Variants in GABRB3 observed in about 807,000 individuals in gnomAD.
GABRB3 encodes the protein gamma-aminobutyric acid type A receptor subunit beta3.
A neutral mutation model predicts 52.1 loss-of-function variants in GABRB3; 14 were observed. The ratio of observed to expected loss-of-function variants is 0.27; its 90% confidence interval spans 0.18 to 0.42. The LOEUF (loss-of-function observed/expected upper bound fraction) is 0.42. Among genes scored for constraint, GABRB3 ranks in the 10% least tolerant of loss-of-function variants. GABRB3 has a pLI of 1.00. For missense variants in GABRB3, 307 were observed against 609.1 expected (o/e 0.50, Z 5.22); for synonymous variants, 260 against 232.3 (o/e 1.12, Z -1.08).
At chr15:26,767,259 C>T (rs960590068) in intron 3 of GABRB3, 2 of 145,462 alleles carry the variant, frequency 1.4e-5, no homozygotes, top group African/African-American at 2.9e-5. Flanking sequence ...GTCAGGGAAA[C>T]GCTTCCTTTC....
intron 3 of GABRB3, among the ~76,000 whole-genome samples, chr15:26,672,712 C>A (rs1316822817): frequency 6.6e-6 from 1 of 152,170 alleles, no homozygotes; most frequent in Non-Finnish European, 1.5e-5. Context: ...GCGTAATTCT[C>A]CATGTACACA....
chr15:26,627,683 T>C (rs1000554663), intron 3 of GABRB3, among the ~76,000 whole-genome samples: 1 of 152,144 alleles, frequency 6.6e-6, no homozygotes, highest in Non-Finnish European at 1.5e-5. Flanking sequence ...ATGATTAAAC[T>C]TGAATGAATG....
chr15:26,577,638 G>T (rs1176063326), intron 6 of GABRB3, among the ~76,000 whole-genome samples: 2 of 152,234 alleles, frequency 1.3e-5, no homozygotes, highest in Non-Finnish European at 2.9e-5. Context: ...TCTGCAGGGG[G>T]AGAAAAACAA....
At chr15:26,745,175 C>T (rs987722753) in intron 3 of GABRB3, among the ~76,000 whole-genome samples, 1 of 152,194 alleles carries the variant, frequency 6.6e-6, no homozygotes, top group Non-Finnish European at 1.5e-5. Context: ...GGGAATTCGT[C>T]CCCATGACCC....
intron 3 of GABRB3, among the ~76,000 whole-genome samples, chr15:26,764,629 G>T (rs1381618902): frequency 2.0e-5 from 3 of 152,166 alleles, no homozygotes; most frequent in Non-Finnish European, 4.4e-5. Context: ...TATCTTGATT[G>T]AATGGCACTG....
chr15:26,647,213 T>C (rs1157539233), intron 3 of GABRB3, among the ~76,000 whole-genome samples: 3 of 152,234 alleles, frequency 2.0e-5, no homozygotes, highest in South Asian at 2.1e-4. Flanking sequence ...GTTTTTCTTA[T>C]TGTTAAGTTG....
At chr15:26,666,833 C>T (rs559755016) in intron 3 of GABRB3, among the ~76,000 whole-genome samples, 49 of 152,288 alleles carry the variant, frequency 3.2e-4, no homozygotes, top group African/African-American at 1.2e-3. Flanking sequence ...GAAGAAGAAA[C>T]ATGAAGCCAG....
At chr15:26,706,204 C>G (rs974584521) in intron 3 of GABRB3, among the ~76,000 whole-genome samples, 2 of 152,210 alleles carry the variant, frequency 1.3e-5, no homozygotes, top group African/African-American at 4.8e-5. Context: ...ACCTTCGAAA[C>G]TCAACGGGGT....
chr15:26,667,800 C>A (rs1439646596), intron 3 of GABRB3, among the ~76,000 whole-genome samples: 3 of 152,238 alleles, frequency 2.0e-5, no homozygotes, highest in Admixed American at 2.0e-4. Context: ...ATGCAGCCAG[C>A]TGTGTCGAAA....
Position 26,621,199 on chromosome 15 carries a change from A to G in GABRB3, c.461+115T>C, listed in dbSNP as rs1892468771. The G allele has an allele frequency of 2.2e-6, 2 of 897,090 alleles. No individual in the cohort carries two copies. The highest frequency in any genetic ancestry group is 1.6e-5 in the African/African-American group (1 of 61,162). The allele number at this position is 897,090 out of a possible 1,614,324, so 55.6% of individuals were successfully genotyped here. ...TCTGCAAAGCTTTAGTGCTTCATAG[A>G]TGCTTCCTAATTTATCTGAGGTCAT... On this transcript the variant is annotated intron_variant, in intron 4 of 8. Transcript: ENST00000311550. The surrounding 1 kb of genome is among the most constrained non-coding windows in gnomAD (Gnocchi z 4.1).
intron 3 of GABRB3, among the ~76,000 whole-genome samples, chr15:26,730,474 C>T (rs1432464767): frequency 2.7e-5 from 4 of 149,930 alleles, no homozygotes; most frequent in African/African-American, 9.8e-5. Flanking sequence ...TCCCGGTGCA[C>T]AGGCACCTCA....
At chr15:26,710,335 C>G (rs1039573104) in intron 3 of GABRB3, among the ~76,000 whole-genome samples, 1 of 152,296 alleles carries the variant, frequency 6.6e-6, no homozygotes, top group Middle Eastern at 3.4e-3. Context: ...AATCTCAGCT[C>G]ACTGCAACCT....
chr15:26,736,907 C>T (rs368839686), intron 3 of GABRB3, among the ~76,000 whole-genome samples: 3 of 152,298 alleles, frequency 2.0e-5, no homozygotes, highest in Admixed American at 6.5e-5. Flanking sequence ...CAAAAGTCAC[C>T]GGCACTTCCC....
At chr15:26,582,861 C>G (rs1368100664) in intron 5 of GABRB3, among the ~76,000 whole-genome samples, 1 of 152,158 alleles carries the variant, frequency 6.6e-6, no homozygotes, top group African/African-American at 2.4e-5. Context: ...CAGTTCTCAT[C>G]TCTCATATAG....
chr15:26,581,757 C>T (rs1229929394), intron 5 of GABRB3, among the ~76,000 whole-genome samples: 1 of 152,202 alleles, frequency 6.6e-6, no homozygotes, highest in African/African-American at 2.4e-5. Flanking sequence ...CAGAAGCCTT[C>T]CCTGGCATTC....
At chr15:26,593,420 T>C (rs550533676) in intron 4 of GABRB3, among the ~76,000 whole-genome samples, 83 of 152,260 alleles carry the variant, frequency 5.5e-4, no homozygotes, top group Middle Eastern at 6.8e-3. Flanking sequence ...TCCAGAACTT[T>C]TTCATCATCT....
At chr15:26,760,809 G>GCGCGCACACACA (rs371524450) in intron 3 of GABRB3, among the ~76,000 whole-genome samples, 18 of 149,286 alleles carry the variant, frequency 1.2e-4, no homozygotes, top group African/African-American at 4.2e-4. Flanking sequence ...ACACGCGCAC[G>GCGCGCACACACA]CACACACACA....
At chr15:26,612,989 C>A (rs1595482442) in intron 4 of GABRB3, 1 of 152,390 alleles carries the variant, frequency 6.6e-6, no homozygotes, top group Non-Finnish European at 1.5e-5. Flanking sequence ...TGGGGGCCTG[C>A]ACCTTCAGTC....
chr15:26,661,727 C>T (rs1428510113), intron 3 of GABRB3, among the ~76,000 whole-genome samples: 1 of 151,818 alleles, frequency 6.6e-6, no homozygotes, highest in African/African-American at 2.4e-5. Context: ...GAGGGGACAC[C>T]CAAGGAGATG....
Sources: gnomAD v4.1 joint callset for allele counts (sites outside exome capture counted in the v4.1 genomes callset) on GRCh38, gnomAD v4.1.1 for gene constraint, Gnocchi (gnomAD v3.1) non-coding constraint, MANE v1.5 for transcripts, NCBI Gene and HGNC (gene_info 2026-07-23, HGNC 2026-07-21) for gene names.